The following INTS9 variants were observed in gnomAD, a reference collection of about 807,000 sequenced individuals.
The protein encoded by INTS9 is protein related to CPSF subunits of 74 kDa.
A neutral mutation model predicts 79.7 loss-of-function variants in INTS9; 55 were observed. The observed-to-expected ratio is 0.69, with a 90% confidence interval of 0.56 to 0.86. INTS9 has a LOEUF of 0.86. INTS9 is among the 40% of genes least tolerant of loss of function. The probability of loss-of-function intolerance (pLI) is 0.00; values close to 1 mark genes in which losing one functional copy is unlikely to be tolerated. For synonymous variants in INTS9, 319 were observed against 325.2 expected (o/e 0.98, Z 0.20); for missense variants, 721 against 831.5 (o/e 0.87, Z 1.64).
At chr8:28,876,804 G>A (rs1263177230) in intron 1 of INTS9, among the ~76,000 whole-genome samples, 2 of 151,982 alleles carry the variant, frequency 1.3e-5, no homozygotes, top group African/African-American at 4.8e-5. Flanking sequence ...TAAATAAATA[G>A]CCTTCTTATA....
At chr8:28,830,867 C>T (rs1398043396) in intron 6 of INTS9, among the ~76,000 whole-genome samples, 7 of 152,196 alleles carry the variant, frequency 4.6e-5, no homozygotes, top group South Asian at 2.1e-4. Context: ...TCTCCAATAG[C>T]GCAAGTTACT....
In INTS9 at chr8:28,837,690, G is replaced by A. The variant is rs1391023318; in HGVS notation, c.348C>T (p.His116=). The part of the protein sequence containing the change: ...CMMALPYITE[H]TGFTGTVYAT... ...CATACACTGTGCCTGTGAAGCCGGT[G>A]TGCTCGGTGATGTATGGCAGCGCCA... Residue 116 remains histidine (H), a synonymous_variant, in exon 5 of 17, where the codon CAC becomes CAT. Coordinates refer to ENST00000521022, the MANE Select transcript of INTS9 (RefSeq NM_018250.4). The A allele has an allele frequency of 1.2e-6, 2 of 1,613,944 alleles. No individual in the cohort carries two copies. The highest frequency in any genetic ancestry group is 1.1e-5 in the South Asian group (1 of 91,068).
chr8:28,885,601 G>C (rs1810140365), intron 1 of INTS9, among the ~76,000 whole-genome samples: 2 of 152,186 alleles, frequency 1.3e-5, no homozygotes, highest in East Asian at 1.9e-4. Context: ...CAACACACAG[G>C]CTGCATTCTT....
chr8:28,859,633 A>G, intron 1 of INTS9, 70 bp from the exon 2 acceptor site: 1 of 1,518,230 alleles, frequency 6.6e-7, no homozygotes, highest in Non-Finnish European at 9.1e-7. Context: ...AGTGAATTAA[A>G]TAACTCTGAC....
chr8:28,859,055 T>A (rs1808316899), intron 2 of INTS9, among the ~76,000 whole-genome samples: 2 of 151,404 alleles, frequency 1.3e-5, no homozygotes, highest in Admixed American at 1.3e-4. Context: ...CAAAAAGAAA[T>A]GTCAGACTCT....
chr8:28,823,492 G>A (rs1169722675), intron 6 of INTS9, among the ~76,000 whole-genome samples: 3 of 152,004 alleles, frequency 2.0e-5, no homozygotes, highest in Non-Finnish European at 2.9e-5. Context: ...TGTCCAACTC[G>A]GTGTCTGTGT....
At chr8:28,844,262 T>TA (rs1807365097) in intron 4 of INTS9, among the ~76,000 whole-genome samples, 1 of 152,254 alleles carries the variant, frequency 6.6e-6, no homozygotes, top group Non-Finnish European at 1.5e-5. Context: ...TTAACTTTTT[T>TA]AGCTGGGCGC....
In INTS9 at chr8:28,870,512, T is replaced by C. The variant is rs1809029841; in HGVS notation, c.10-10949A>G. Reference sequence around the variant, plus strand: ...TTAACGAAATGGTAAAACTTGTAAATGGCTAGAGGATCAGCATCAAGAAGG... The same window carrying C: ...TTAACGAAATGGTAAAACTTGTAAACGGCTAGAGGATCAGCATCAAGAAGG... On this transcript the variant is annotated intron_variant, in intron 1 of 16. Coordinates refer to ENST00000521022, the MANE Select transcript of INTS9 (RefSeq NM_018250.4). Among the ~76,000 whole-genome samples the C allele has an allele frequency of 2.6e-5, 4 of 152,146 alleles. No individual in the cohort carries two copies. The South Asian group carries it at 8.3e-4, about 32-fold the overall frequency.
At chr8:28,828,740 C>T (rs563275096) in intron 6 of INTS9, among the ~76,000 whole-genome samples, 72 of 152,094 alleles carry the variant, frequency 4.7e-4, no homozygotes, top group Non-Finnish European at 9.0e-4. Context: ...CTCTTGTTGC[C>T]CAGACTGGAG....
chr8:28,782,659 T>C (rs1803351052), intron 11 of INTS9, among the ~76,000 whole-genome samples: 1 of 152,238 alleles, frequency 6.6e-6, no homozygotes, highest in Non-Finnish European at 1.5e-5. Context: ...CTTACGCCTG[T>C]AATTCCAGCA....
At chr8:28,846,571 C>T (rs778998230) in intron 4 of INTS9, among the ~76,000 whole-genome samples, 176 bp downstream of exon 4, 3 of 152,086 alleles carry the variant, frequency 2.0e-5, no homozygotes, top group Non-Finnish European at 4.4e-5. Context: ...GATTTACAAA[C>T]AATATAAAAA....
At chr8:28,823,094 G>C (rs1805941243) in intron 6 of INTS9, among the ~76,000 whole-genome samples, 1 of 152,220 alleles carries the variant, frequency 6.6e-6, no homozygotes, top group Admixed American at 6.5e-5. Context: ...GAAGGCTGGG[G>C]AGAGGACTTT....
chr8:28,870,966 G>A (rs770237139), intron 1 of INTS9, among the ~76,000 whole-genome samples: 32 of 152,146 alleles, frequency 2.1e-4, no homozygotes, highest in Non-Finnish European at 3.5e-4. Flanking sequence ...AACAGCTTTT[G>A]ATAAATTAAG....
intron 13 of INTS9, among the ~76,000 whole-genome samples, chr8:28,776,945 C>T (rs1034184368): frequency 6.6e-6 from 1 of 152,208 alleles, no homozygotes; most frequent in Non-Finnish European, 1.5e-5. Flanking sequence ...TAGCGAATCA[C>T]TGTAGACAGG....
intron 6 of INTS9, among the ~76,000 whole-genome samples, chr8:28,818,199 G>A (rs1486308843): frequency 7.2e-6 from 1 of 138,330 alleles, no homozygotes; most frequent in Non-Finnish European, 1.6e-5. Flanking sequence ...TTGAATAGGA[G>A]TGGTGAGAGA....
intron 1 of INTS9, among the ~76,000 whole-genome samples, chr8:28,864,724 G>A (rs1251846869): frequency 2.0e-5 from 3 of 152,148 alleles, no homozygotes; most frequent in African/African-American, 7.2e-5. Flanking sequence ...ATGGAATCCT[G>A]TTGTACATAT....
chr8:28,863,148 A>T (rs1236813832), intron 1 of INTS9, among the ~76,000 whole-genome samples: 1 of 152,202 alleles, frequency 6.6e-6, no homozygotes, highest in Non-Finnish European at 1.5e-5. Flanking sequence ...TAACATCTTT[A>T]CATGTGTATC....
At chr8:28,848,539 T>C (rs1807656532) in intron 3 of INTS9, among the ~76,000 whole-genome samples, 3 of 152,224 alleles carry the variant, frequency 2.0e-5, no homozygotes, top group African/African-American at 4.8e-5. Flanking sequence ...ACACAGTTCT[T>C]AATTACAATG....
At chr8:28,874,477 T>C (rs1809268012) in intron 1 of INTS9, among the ~76,000 whole-genome samples, 1 of 151,810 alleles carries the variant, frequency 6.6e-6, no homozygotes, top group Admixed American at 6.6e-5. Flanking sequence ...TTTTTTTTAG[T>C]AGAGATGGGG....
Sources: allele counts gnomAD v4.1 joint callset (sites outside exome capture counted in the v4.1 genomes callset), GRCh38; gene constraint gnomAD v4.1.1; transcripts MANE v1.5; gene names NCBI Gene and HGNC (gene_info 2026-07-23, HGNC 2026-07-21).